The following ANGPTL5 variants were observed in gnomAD, a reference collection of about 807,000 sequenced individuals.
ANGPTL5 encodes angiopoietin-related protein 5.
In ANGPTL5, 34 loss-of-function variants were observed where a neutral mutation model predicts 39.4. The ratio of observed to expected loss-of-function variants is 0.86; its 90% CI spans 0.66 to 1.15. The LOEUF (loss-of-function observed/expected upper bound fraction) is 1.15, where lower values mean the gene tolerates loss of function less well. Among genes scored for constraint, ANGPTL5 ranks in the 50% most tolerant of loss-of-function variants. The pLI is 0.00. For missense variants in ANGPTL5, 467 were observed against 457.5 expected, an observed-to-expected ratio of 1.02 and a Z score of -0.19; for synonymous variants, 146 against 152.1, an observed-to-expected ratio of 0.96 and a Z score of 0.29.
intron 2 of ANGPTL5, 134 bp downstream of exon 2, chr11:101,907,680 C>A (rs1283585035): frequency 3.0e-6 from 2 of 660,962 alleles, no homozygotes; most frequent in African/African-American, 3.7e-5. Flanking sequence ...CAATTTTCAA[C>A]ATTTCTAAAT....
chr11:101,904,967 C>T (rs758405217), intron 4 of ANGPTL5, 60 bp from the exon 5 acceptor site: 12 of 1,331,108 alleles, frequency 9.0e-6, no homozygotes, highest in Non-Finnish European at 1.2e-5. Flanking sequence ...CATCTCTAAG[C>T]CTCTCATAAA....
chr11:101,912,842 C>T (rs1940113575), intron 1 of ANGPTL5, among the ~76,000 whole-genome samples: 1 of 152,030 alleles, frequency 6.6e-6, no homozygotes, highest in Admixed American at 6.6e-5. Context: ...ACACAATTGA[C>T]CAGGATTAAC....
intron 1 of ANGPTL5, among the ~76,000 whole-genome samples, chr11:101,913,935 A>G (rs976824462): frequency 6.6e-6 from 1 of 152,204 alleles, no homozygotes; most frequent in East Asian, 1.9e-4. Flanking sequence ...TCAGAATTGT[A>G]TATTTTATCC....
At position 101,900,534 on chromosome 11, in the gene ANGPTL5, T is replaced by A. The variant is rs541845581; in HGVS notation, c.557A>T (p.Asp186Val). The A allele has an allele frequency of 8.7e-6, 14 of 1,611,122 alleles. No individual in the cohort carries two copies. The East Asian group carries it at 2.5e-4, about 28-fold the overall frequency. ...CACAGTCCGTCCACCTCCTCTGTAA[T>A]CCATGTCACACATTACCTAAAATAA... ...SYPFEVMCDMDYRGGGRTVIQ... is the reference protein window; with the variant it reads ...SYPFEVMCDMVYRGGGRTVIQ... Residue 186 changes from aspartate to valine, a missense_variant, in exon 7 of 9, where the codon GAT (aspartate) becomes GTT (valine). By Grantham distance (152) the Asp-to-Val change is radical. Coordinates refer to ENST00000334289, the MANE Select transcript of ANGPTL5 (RefSeq NM_178127.5).
chr11:101,900,861 T>C (rs548586782), intron 6 of ANGPTL5, among the ~76,000 whole-genome samples: 70 of 150,600 alleles, frequency 4.6e-4, no homozygotes, highest in Admixed American at 9.3e-4. Context: ...TTTTCCCCCC[T>C]TTTTTTTTGA....
intron 8 of ANGPTL5, 101 bp from the exon 9 acceptor site, chr11:101,891,699 G>A (rs1939700278): frequency 8.5e-7 from 1 of 1,172,780 alleles, no homozygotes. Flanking sequence ...CTGGAAATAG[G>A]GTTTAAATTA....
Position 101,905,814 on chromosome 11 carries a change from C to A in ANGPTL5, c.275G>T (p.Arg92Ile). ...ATTCCTTAGTAGTTTTTTGGTACTT[C>A]TTGTGTAGGAAACAATAGAATTTTG... is the stretch of plus-strand genomic sequence containing the variant. ...NLQNSIVSYTRSTKKLLRNMM... is the reference protein window; with the variant it reads ...NLQNSIVSYTISTKKLLRNMM... The change falls in exon 4 of 9, where the codon AGA (arginine) becomes ATA (isoleucine). Residue 92 changes from arginine to isoleucine, a missense_variant. By Grantham distance (97) the Arg-to-Ile change is moderately conservative. Coordinates refer to ENST00000334289, the MANE Select transcript of ANGPTL5 (RefSeq NM_178127.5). The A allele has an allele frequency of 6.2e-7, 1 of 1,611,584 alleles. No individual in the cohort carries two copies. Among genetic ancestry groups the A allele is most frequent in the Non-Finnish European group, 8.5e-7 (1 of 1,178,706 alleles).
Position 101,894,943 on chromosome 11 carries a change from ATT to A in ANGPTL5, c.781_782del (p.Asn261PhefsTer6), listed in dbSNP as rs1211612329. 1 of 1,613,388 alleles carries A rather than the reference ATT, an allele frequency of 6.2e-7. No individual in the cohort carries two copies. The highest frequency in any genetic ancestry group is 1.7e-5 in the Admixed American group (1 of 60,000). ...ATCTCGTTTCATCCTCTAGCCAAAA[ATT>A]ATCATATGATGCATAAGCAAGAGTG... ...DDTLAYASYD[N>X]FWLEDETRFF... On this transcript the variant is annotated frameshift_variant, in exon 8 of 9. Coordinates refer to ENST00000334289, the MANE Select transcript of ANGPTL5 (RefSeq NM_178127.5). LOFTEE classifies it high-confidence loss of function.
At chr11:101,893,225 G>A (rs1449319099) in intron 8 of ANGPTL5, among the ~76,000 whole-genome samples, 2 of 152,152 alleles carry the variant, frequency 1.3e-5, no homozygotes, top group Non-Finnish European at 2.9e-5. Flanking sequence ...TGTGGTTGGA[G>A]AACATAACAC....
intron 5 of ANGPTL5, 121 bp downstream of exon 5, chr11:101,904,692 AG>A (rs1482793927): frequency 1.2e-6 from 1 of 830,258 alleles, no homozygotes; most frequent in African/African-American, 1.7e-5. Flanking sequence ...TTAGCCCTCC[AG>A]TCTGTTAGAG....
intron 1 of ANGPTL5, chr11:101,914,965 C>T (rs1487765909): frequency 3.4e-6 from 1 of 293,366 alleles, no homozygotes; most frequent in Non-Finnish European, 6.4e-6. Flanking sequence ...GGCACATCGT[C>T]CCGCCCCGAC....
intron 6 of ANGPTL5, among the ~76,000 whole-genome samples, chr11:101,901,324 T>C (rs901148885): frequency 6.6e-6 from 1 of 151,818 alleles, no homozygotes; most frequent in Non-Finnish European, 1.5e-5. Flanking sequence ...TGGGGGGGTG[T>C]GTGTGCACGG....
chr11:101,892,535 C>G (rs1319599571), intron 8 of ANGPTL5, among the ~76,000 whole-genome samples: 2 of 152,066 alleles, frequency 1.3e-5, no homozygotes, highest in East Asian at 3.9e-4. Context: ...CTGGCCTGAA[C>G]ATTGTATGTA....
At chr11:101,892,888 G>C (rs1939727311) in intron 8 of ANGPTL5, among the ~76,000 whole-genome samples, 1 of 152,168 alleles carries the variant, frequency 6.6e-6, no homozygotes, top group African/African-American at 2.4e-5. Flanking sequence ...CCCCAGTTCT[G>C]CTGATTATTA....
At chr11:101,906,600 A>G (rs541908758) in intron 3 of ANGPTL5, among the ~76,000 whole-genome samples, 8 of 152,220 alleles carry the variant, frequency 5.3e-5, no homozygotes, top group African/African-American at 1.9e-4. Context: ...TATTTCTCAG[A>G]CCCTATGTGA....
At chr11:101,901,363 C>G (rs1304088433) in intron 6 of ANGPTL5, among the ~76,000 whole-genome samples, 1 of 152,012 alleles carries the variant, frequency 6.6e-6, no homozygotes, top group Non-Finnish European at 1.5e-5. Context: ...TGTCTTTGCT[C>G]TTTTCTCCCA....
At chr11:101,909,163 T>A (rs1940050164) in intron 1 of ANGPTL5, among the ~76,000 whole-genome samples, 1 of 152,254 alleles carries the variant, frequency 6.6e-6, no homozygotes, top group Non-Finnish European at 1.5e-5. Context: ...ATTTTCTTAA[T>A]GAAGAAACAG....
intron 5 of ANGPTL5, among the ~76,000 whole-genome samples, chr11:101,904,195 T>C (rs1939959956): frequency 6.6e-6 from 1 of 152,182 alleles, no homozygotes; most frequent in Non-Finnish European, 1.5e-5. Context: ...TTTTAGGCAC[T>C]GTTTATTGTC....
intron 1 of ANGPTL5, among the ~76,000 whole-genome samples, chr11:101,914,579 G>C (rs1940155210): frequency 6.6e-6 from 1 of 152,166 alleles, no homozygotes. Context: ...TGCAGGGAAG[G>C]AAAATTTCCA....
Sources: allele counts gnomAD v4.1 joint callset (sites outside exome capture counted in the v4.1 genomes callset), GRCh38; gene constraint gnomAD v4.1.1; transcripts MANE v1.5; gene names NCBI Gene and HGNC (gene_info 2026-07-23, HGNC 2026-07-21).